MAP4K3: variants seen among roughly 807,000 people sequenced by gnomAD.
MAP4K3 encodes MAPK/ERK kinase kinase kinase 3.
A neutral mutation model predicts 143.5 loss-of-function variants in MAP4K3; 94 were observed. That is an observed-to-expected ratio of 0.65 (90% CI 0.55 to 0.78). MAP4K3 has a LOEUF of 0.78. MAP4K3 is among the 30% of genes least tolerant of loss of function. The probability of loss-of-function intolerance (pLI) is 0.00; values close to 1 mark genes in which losing one functional copy is unlikely to be tolerated. For synonymous variants in MAP4K3, 416 were observed against 347.2 expected (o/e 1.20, Z -2.20); for missense variants, 1,077 against 1,068.1 (o/e 1.01, Z -0.12).
chr2:39,272,718 A>G (rs1293707068), intron 24 of MAP4K3, among the ~76,000 whole-genome samples, 176 bp from the exon 25 acceptor site: 3 of 152,224 alleles, frequency 2.0e-5, no homozygotes, highest in Non-Finnish European at 4.4e-5. Context: ...ATACATACAT[A>G]TTTATGTGAG....
At chr2:39,316,451 G>C (rs1247248829) in intron 12 of MAP4K3, among the ~76,000 whole-genome samples, 7 of 152,098 alleles carry the variant, frequency 4.6e-5, no homozygotes, top group African/African-American at 1.7e-4. Context: ...CTTTAGAACA[G>C]AGGTGAACTG....
chr2:39,371,419 C>G (rs1409948860), intron 2 of MAP4K3, among the ~76,000 whole-genome samples: 4 of 152,134 alleles, frequency 2.6e-5, no homozygotes, highest in African/African-American at 4.8e-5. Flanking sequence ...GACTGCTTCT[C>G]TATGTCAAAG....
chr2:39,332,841 G>T (rs1469686510), intron 7 of MAP4K3, among the ~76,000 whole-genome samples: 1 of 151,914 alleles, frequency 6.6e-6, no homozygotes, highest in Non-Finnish European at 1.5e-5. Flanking sequence ...GTTCAAAATA[G>T]TTATATCTAT....
At position 39,320,082 on chromosome 2, in the gene MAP4K3, C is replaced by T. The variant is rs924618916; in HGVS notation, c.919-4694G>A. On this transcript the variant is annotated intron_variant, in intron 12 of 33. Coordinates refer to ENST00000263881, the MANE Select transcript of MAP4K3 (RefSeq NM_003618.4). ...CTCTGACTTCCCTAACAAAAGTTGG[C>T]TGTTTTTTCTTCTCCTGAAATGGTG... Among the ~76,000 whole-genome samples the T allele has an allele frequency of 7.9e-5, 12 of 152,268 alleles. No homozygotes were observed. The Middle Eastern group carries it at 0.01, about 129-fold the overall frequency.
intron 8 of MAP4K3, among the ~76,000 whole-genome samples, chr2:39,331,602 T>C (rs1307267857): frequency 2.0e-5 from 3 of 152,058 alleles, no homozygotes; most frequent in East Asian, 3.8e-4. Context: ...AAGAAAGATA[T>C]AAAAACACCT....
At chr2:39,364,995 T>A (rs1260098148) in intron 2 of MAP4K3, among the ~76,000 whole-genome samples, 1 of 152,146 alleles carries the variant, frequency 6.6e-6, no homozygotes, top group Non-Finnish European at 1.5e-5. Context: ...AATTCTCTCC[T>A]GGATCAGGAA....
At chr2:39,393,304 T>A (rs1200768125) in intron 1 of MAP4K3, among the ~76,000 whole-genome samples, 1 of 152,212 alleles carries the variant, frequency 6.6e-6, no homozygotes, top group African/African-American at 2.4e-5. Context: ...TAGTCCAGAT[T>A]AAGTACATTA....
In MAP4K3 at chr2:39,436,991, G is replaced by A. The variant is rs372493407; in HGVS notation, c.-4C>T. 8.0e-4 allele frequency: 1,289 copies of A among 1,609,148 alleles called. 1 individual carries two copies. The highest frequency in any genetic ancestry group is 1.0e-3 in the Non-Finnish European group (1,201 of 1,177,974). On this transcript the variant is annotated 5_prime_UTR_variant, in exon 1 of 34. Coordinates refer to ENST00000263881, the MANE Select transcript of MAP4K3 (RefSeq NM_003618.4). The stretch of plus-strand genomic sequence containing the variant: ...ACAAATCGAAGCCGGGGTTCATGGC[G>A]GGCCCCAGGTGCCCCCCGCCTCCCT...
chr2:39,256,483 T>A (rs984176378), intron 31 of MAP4K3, among the ~76,000 whole-genome samples: 1 of 152,222 alleles, frequency 6.6e-6, no homozygotes, highest in Non-Finnish European at 1.5e-5. Flanking sequence ...TTTTACTGAA[T>A]GCTTTTTGGG....
At position 39,339,160 on chromosome 2, in the gene MAP4K3, T is replaced by G. The variant is rs549913750; in HGVS notation, c.311-1579A>C. On this transcript the variant is annotated intron_variant, in intron 4 of 33. Coordinates refer to ENST00000263881, the MANE Select transcript of MAP4K3 (RefSeq NM_003618.4). ...ATTTGTAAACATGTTTAGTTTGGAG[T>G]ACTTGTGGTATTTTACAATTATGAA... Among the ~76,000 whole-genome samples, 6 of 152,290 alleles carry G rather than the reference T, an allele frequency of 3.9e-5. No homozygotes were observed. The South Asian group carries it at 1.2e-3, about 32-fold the overall frequency.
intron 15 of MAP4K3, among the ~76,000 whole-genome samples, chr2:39,305,338 G>A (rs532452880): frequency 6.6e-6 from 1 of 152,168 alleles, no homozygotes; most frequent in East Asian, 1.9e-4. Context: ...GTTGGGTAGA[G>A]GCAACACAGT....
chr2:39,406,437 C>G (rs1185021811), intron 1 of MAP4K3, among the ~76,000 whole-genome samples: 2 of 152,116 alleles, frequency 1.3e-5, no homozygotes, highest in African/African-American at 4.8e-5. Flanking sequence ...ACATTGAATA[C>G]TCCAAACTCC....
rs1422517347 is a variant in MAP4K3 at position 39,382,124 on chromosome 2, T to C, written c.97-4001A>G. ...TTTCAGAGGCCATTCAGATTTGAAC[T>C]AGTTTTGGAAAGAATTTTTCTGAGA... is the stretch of plus-strand genomic sequence containing the variant. On this transcript the variant is annotated intron_variant, in intron 1 of 33. Transcript: ENST00000263881. Among the ~76,000 whole-genome samples the C allele has an allele frequency of 2.0e-4, 31 of 152,220 alleles. 1 individual carries two copies. The highest frequency in any genetic ancestry group is 2.0e-3 in the Admixed American group (31 of 15,280).
chr2:39,290,212 G>C, intron 19 of MAP4K3, 80 bp downstream of exon 19: 1 of 990,952 alleles, frequency 1.0e-6, no homozygotes. Context: ...CAAATGAAAA[G>C]CTAGAAAAAC....
chr2:39,296,829 T>G (rs1682302721), intron 16 of MAP4K3, among the ~76,000 whole-genome samples: 1 of 152,248 alleles, frequency 6.6e-6, no homozygotes, highest in South Asian at 2.1e-4. Context: ...AAGTATTTAC[T>G]AAGTCCTAAA....
chr2:39,435,623 G>C (rs973138846), intron 1 of MAP4K3, among the ~76,000 whole-genome samples: 2 of 152,072 alleles, frequency 1.3e-5, no homozygotes, highest in African/African-American at 4.8e-5. Flanking sequence ...AAATTAAACG[G>C]CAATAATTAT....
chr2:39,390,316 C>T lies in MAP4K3; in HGVS notation c.97-12193G>A, dbSNP rs114618500. On this transcript the variant is annotated intron_variant, in intron 1 of 33. Transcript: ENST00000263881. ...CCTACACTGAGAAATACGGTATACA[C>T]CTACCAAAAAATGAAATTTAAACAA... Among the ~76,000 whole-genome samples the T allele has an allele frequency of 3.8e-3, 579 of 152,222 alleles. 7 individuals carry two copies. Among genetic ancestry groups the T allele is most frequent in the African/African-American group, 0.013 (548 of 41,524 alleles).
chr2:39,365,638 G>T (rs1665902105), intron 2 of MAP4K3, among the ~76,000 whole-genome samples: 1 of 151,012 alleles, frequency 6.6e-6, no homozygotes, highest in Admixed American at 6.6e-5. Flanking sequence ...TAGAGACGGG[G>T]TTTCACCTTG....
chr2:39,321,475 G>A (rs536580250), intron 12 of MAP4K3, among the ~76,000 whole-genome samples: 1 of 152,108 alleles, frequency 6.6e-6, no homozygotes, highest in Non-Finnish European at 1.5e-5. Context: ...AGGGACCTCC[G>A]CCTAGGAAAG....
Sources: allele counts gnomAD v4.1 joint callset (sites outside exome capture counted in the v4.1 genomes callset), GRCh38; gene constraint gnomAD v4.1.1; transcripts MANE v1.5; gene names NCBI Gene and HGNC (gene_info 2026-07-23, HGNC 2026-07-21).